Variants in SIK3 observed in about 807,000 individuals in gnomAD.
SIK3 encodes the protein SIK family kinase 3.
Under a neutral mutation model 144.2 loss-of-function variants are expected in SIK3, and 28 were observed. The ratio of observed to expected loss-of-function variants is 0.19; its 90% CI spans 0.14 to 0.27. SIK3 has a LOEUF of 0.27. Ranked by LOEUF, SIK3 falls within the 10% of genes least tolerant of loss-of-function variation. The pLI is 1.00. For synonymous variants in SIK3, 686 were observed against 676.3 expected, an observed-to-expected ratio of 1.01 and a Z score of -0.22; for missense variants, 1,319 against 1,776.0, an observed-to-expected ratio of 0.74 and a Z score of 4.62.
chr11:116,849,906 C>A lies in SIK3; in HGVS notation c.3656-623G>T, dbSNP rs1565355112. On this transcript the variant is annotated intron_variant, in intron 21 of 24. Coordinates refer to ENST00000445177, the MANE Select transcript of SIK3 (RefSeq NM_001366686.3). This position sits in a 1 kb window ranked among gnomAD's most constrained non-coding sequence, Gnocchi z 4.2. ...GAAGTGCTCCTTTAAGCCCCAGATC[C>A]ATACTTCCAGCTACTTACTAGGTAT... is the stretch of plus-strand genomic sequence containing the variant. Among the ~76,000 whole-genome samples, 1 of 152,180 alleles carries A rather than the reference C, an allele frequency of 6.6e-6. No homozygotes were observed. Among genetic ancestry groups the A allele is most frequent in the Non-Finnish European group, 1.5e-5 (1 of 68,018 alleles).
At position 116,954,797 on chromosome 11, in the gene SIK3, T is replaced by C. The variant is rs533450851; in HGVS notation, c.391-690A>G. 2.8e-4 allele frequency among the ~76,000 whole-genome samples: 42 copies of C among 152,316 alleles called. 1 individual carries two copies. Among genetic ancestry groups the C allele is most frequent in the African/African-American group, 9.9e-4 (41 of 41,572 alleles). ...TAATAATGATTACATACACTCATTA[T>C]AAAACAAAAGACCAAAGGCTTTCCT... On this transcript the variant is annotated intron_variant, in intron 2 of 24. Transcript: ENST00000445177.
intron 1 of SIK3, among the ~76,000 whole-genome samples, chr11:117,023,619 A>T (rs369901617): frequency 0.053 from 5,286 of 99,462 alleles, 179 homozygotes; most frequent in African/African-American, 0.081. Flanking sequence ...CAAAAAAAAA[A>T]AAATATATAT....
chr11:117,051,763 A>G (rs1244281168), intron 1 of SIK3, among the ~76,000 whole-genome samples: 1 of 151,930 alleles, frequency 6.6e-6, no homozygotes, highest in African/African-American at 2.4e-5. Flanking sequence ...TCCTGACCTC[A>G]GGTGATCTGC....
At chr11:116,931,020 A>G (rs769680407) in intron 3 of SIK3, among the ~76,000 whole-genome samples, 20 of 152,216 alleles carry the variant, frequency 1.3e-4, no homozygotes, top group Non-Finnish European at 2.6e-4. Context: ...TCAAAAGTAA[A>G]AAGTAAAACA....
At chr11:116,929,661 C>A (rs1947487688) in intron 3 of SIK3, among the ~76,000 whole-genome samples, 1 of 152,174 alleles carries the variant, frequency 6.6e-6, no homozygotes, top group Admixed American at 6.6e-5. Context: ...ACCTCTTGAT[C>A]TTCTAAATAC....
chr11:116,954,323 T>C (rs868164019), intron 2 of SIK3, among the ~76,000 whole-genome samples: 1 of 152,234 alleles, frequency 6.6e-6, no homozygotes. Context: ...GAAACATTTA[T>C]TGCTTGAGAG....
intron 1 of SIK3, among the ~76,000 whole-genome samples, chr11:117,091,200 CT>C (rs386375011): frequency 0.081 from 7,491 of 92,840 alleles, 113 homozygotes; most frequent in African/African-American, 0.14. Flanking sequence ...TTTTTTTTTT[CT>C]TTTTTTTTTT....
chr11:116,931,727 A>G (rs1947613175), intron 3 of SIK3, among the ~76,000 whole-genome samples: 1 of 152,182 alleles, frequency 6.6e-6, no homozygotes, highest in Admixed American at 6.5e-5. Context: ...ACTCAGTTCT[A>G]TCATTTCTTC....
chr11:117,060,992 A>G (rs1591632646), intron 1 of SIK3, among the ~76,000 whole-genome samples: 1 of 152,194 alleles, frequency 6.6e-6, no homozygotes, highest in Non-Finnish European at 1.5e-5. Flanking sequence ...CACACCTGTA[A>G]TATCAGAACT....
At chr11:116,984,532 T>C (rs1227569127) in intron 1 of SIK3, among the ~76,000 whole-genome samples, 4 of 152,198 alleles carry the variant, frequency 2.6e-5, no homozygotes, top group Non-Finnish European at 5.9e-5. Flanking sequence ...ATGAATAAAC[T>C]CTGGAGCCCA....
intron 1 of SIK3, among the ~76,000 whole-genome samples, chr11:116,980,248 G>A (rs1245463331): frequency 6.6e-6 from 1 of 152,140 alleles, no homozygotes; most frequent in Non-Finnish European, 1.5e-5. Context: ...CTACGACTGA[G>A]CAAAATCATC....
intron 1 of SIK3, among the ~76,000 whole-genome samples, chr11:117,023,605 CAAACAAAA>C (rs1180409752): frequency 9.4e-5 from 6 of 64,094 alleles, no homozygotes; most frequent in African/African-American, 2.4e-4. Context: ...AACAAACAAA[CAAACAAAA>C]AAAAAAAAAT....
chr11:117,091,814 A>C (rs966547705), intron 1 of SIK3, among the ~76,000 whole-genome samples: 2 of 151,892 alleles, frequency 1.3e-5, no homozygotes, highest in Admixed American at 1.3e-4. Context: ...ACAGGGTTTC[A>C]CTCTGTCACC....
chr11:116,906,799 A>C (rs1247992859), intron 4 of SIK3, among the ~76,000 whole-genome samples: 1 of 152,238 alleles, frequency 6.6e-6, no homozygotes, highest in Non-Finnish European at 1.5e-5. Flanking sequence ...ATGGACTACA[A>C]ATATAATCCA....
chr11:117,097,044 G>GT (rs1955506244), intron 1 of SIK3, among the ~76,000 whole-genome samples: 1 of 152,166 alleles, frequency 6.6e-6, no homozygotes, highest in Admixed American at 6.5e-5. Context: ...AAATTTTAGA[G>GT]TAAAAATGGG....
intron 1 of SIK3, among the ~76,000 whole-genome samples, chr11:116,957,550 T>C (rs1949186228): frequency 6.6e-6 from 1 of 152,186 alleles, no homozygotes; most frequent in Non-Finnish European, 1.5e-5. Context: ...CTTGTAGAAC[T>C]CAATAATAAT....
chr11:117,063,171 G>T (rs576151327), intron 1 of SIK3, among the ~76,000 whole-genome samples: 70 of 152,238 alleles, frequency 4.6e-4, no homozygotes, highest in African/African-American at 1.7e-3. Flanking sequence ...ATATCATTGG[G>T]TCTAAATTAT....
intron 2 of SIK3, among the ~76,000 whole-genome samples, chr11:116,954,693 T>C (rs1949075455): frequency 6.6e-6 from 1 of 152,238 alleles, no homozygotes. Flanking sequence ...GTCCCTTTGT[T>C]GCTCCTTTTT....
Position 116,849,125 on chromosome 11 carries a change from C to T in SIK3, c.3814G>A (p.Ala1272Thr), listed in dbSNP as rs1322866057. 13 of 1,590,534 alleles carry T rather than the reference C, an allele frequency of 8.2e-6. No individual in the cohort carries two copies. Among genetic ancestry groups the T allele is most frequent in the Non-Finnish European group, 1.1e-5 (13 of 1,165,100 alleles). The stretch of plus-strand genomic sequence containing the variant: ...AGCAGGTGGGACCAACATACATAAG[C>T]ATCGTCGCTGTTCTGGATCGTGTGG... ...RHHTIQNSDD[A>T]YVQLDNLPGM... Residue 1272 changes from alanine (A) to threonine (T), a missense_variant, in exon 22 of 25, where the codon GCT (alanine) becomes ACT (threonine). By Grantham distance (58) the Ala-to-Thr change is moderately conservative. Coordinates refer to ENST00000445177, the MANE Select transcript of SIK3 (RefSeq NM_001366686.3). The surrounding 1 kb of genome is among the most constrained non-coding windows in gnomAD (Gnocchi z 4.2).
Sources: allele counts gnomAD v4.1 joint callset (sites outside exome capture counted in the v4.1 genomes callset), GRCh38; gene constraint gnomAD v4.1.1; non-coding constraint Gnocchi (gnomAD v3.1); transcripts MANE v1.5; gene names NCBI Gene and HGNC (gene_info 2026-07-23, HGNC 2026-07-21).